TBL1X: variants seen among roughly 807,000 people sequenced by gnomAD.
TBL1X encodes transducin beta like 1 X-linked.
In TBL1X, 10 loss-of-function variants were observed where a neutral mutation model predicts 50.7. That is an observed-to-expected ratio of 0.20 (90% confidence interval 0.12 to 0.33). TBL1X has a LOEUF of 0.33. TBL1X is among the 10% of genes least tolerant of loss of function. TBL1X has a pLI of 1.00. For synonymous variants in TBL1X, 190 were observed against 214.7 expected (o/e 0.88, Z 1.01); for missense variants, 340 against 504.4 (o/e 0.67, Z 3.12).
chrX:9,605,870 GC>G (rs758600830), intron 2 of TBL1X, among the ~76,000 whole-genome samples: 1 of 112,210 alleles, frequency 8.9e-6, no homozygotes, highest in Non-Finnish European at 1.9e-5. Context: ...TAGTTTCTGT[GC>G]CACATTTCTC....
intron 6 of TBL1X, among the ~76,000 whole-genome samples, 195 bp from the exon 7 acceptor site, chrX:9,687,822 C>G (rs1449900442): frequency 9.0e-6 from 1 of 110,876 alleles, no homozygotes; most frequent in East Asian, 2.8e-4. Flanking sequence ...TTTGTCGTGT[C>G]CCCTTCCCTG....
chrX:9,484,333 C>T (rs1047239234), intron 1 of TBL1X, among the ~76,000 whole-genome samples: 3 of 111,502 alleles, frequency 2.7e-5, no homozygotes, highest in Non-Finnish European at 5.6e-5. Flanking sequence ...CACACACACA[C>T]ACCCATATTT....
At position 9,654,224 on chromosome X, in the gene TBL1X, C is replaced by T. The variant is rs2082852835; in HGVS notation, c.113C>T (p.Ser38Phe). ...FQRLRGREGG[S>F]HFINTSSPRG... ...TTCTCTTTTTGAACAGAGGGTGGTT[C>T]CCACTTCATCAACACCTCATCGCCG... Residue 38 changes from serine (S) to phenylalanine (F), a missense_variant, in exon 5 of 18, where the codon TCC (serine) becomes TTC (phenylalanine). Ser to Phe is a radical substitution (Grantham distance 155). Coordinates refer to ENST00000645353, the MANE Select transcript of TBL1X (RefSeq NM_005647.4). 1 of 1,207,484 alleles carries T rather than the reference C, an allele frequency of 8.3e-7. No individual in the cohort carries two copies. Among genetic ancestry groups the T allele is most frequent in the African/African-American group, 1.8e-5 (1 of 56,689 alleles).
At chrX:9,532,660 G>A (rs1017703542) in intron 2 of TBL1X, among the ~76,000 whole-genome samples, 1 of 111,188 alleles carries the variant, frequency 9.0e-6, no homozygotes, top group Non-Finnish European at 1.9e-5. Context: ...AGATCGAGGG[G>A]TCAGCAGGGT....
intron 2 of TBL1X, among the ~76,000 whole-genome samples, chrX:9,546,204 A>G (rs2082241322): frequency 8.9e-6 from 1 of 111,985 alleles, no homozygotes; most frequent in South Asian, 3.7e-4. Flanking sequence ...ATTACCATAA[A>G]TTAATTAGTC....
intron 2 of TBL1X, among the ~76,000 whole-genome samples, chrX:9,600,475 G>GGGGGGGA (rs1555899127): frequency 4.3e-4 from 32 of 73,699 alleles, no homozygotes; most frequent in African/African-American, 1.8e-3. Context: ...TGGGCGGGGG[G>GGGGGGGA]GGGGGTACAC....
chrX:9,596,662 G>C (rs1397076568), intron 2 of TBL1X, among the ~76,000 whole-genome samples: 1 of 111,335 alleles, frequency 9.0e-6, no homozygotes, highest in Admixed American at 9.5e-5. Context: ...ATGCCTCTTG[G>C]GGGGCATAAT....
chrX:9,648,173 C>T (rs190419524), intron 3 of TBL1X, among the ~76,000 whole-genome samples: 1 of 111,439 alleles, frequency 9.0e-6, no homozygotes, highest in East Asian at 2.8e-4. Context: ...ACGTGAGCTA[C>T]CTTATCTCTA....
At chrX:9,588,667 G>A (rs1300656833) in intron 2 of TBL1X, among the ~76,000 whole-genome samples, 3 of 107,402 alleles carry the variant, frequency 2.8e-5, no homozygotes, top group Admixed American at 1.0e-4. Context: ...GCAGTGATGC[G>A]ATCTCGGCTC....
At chrX:9,698,210 C>CACCT (rs2083144620) in intron 12 of TBL1X, among the ~76,000 whole-genome samples, 1 of 111,215 alleles carries the variant, frequency 9.0e-6, no homozygotes, top group Admixed American at 9.6e-5. Context: ...CCTCGGCACC[C>CACCT]ACCTGCTCAG....
rs768921634 is a variant in TBL1X at position 9,499,367 on chromosome X, GA to G, written c.-200-2410del. Among the ~76,000 whole-genome samples the G allele has an allele frequency of 4.0e-4, 45 of 111,895 alleles. No homozygotes were observed. The East Asian group carries it at 0.012, about 30-fold the overall frequency. On this transcript the variant is annotated intron_variant, in intron 1 of 17. Coordinates refer to ENST00000645353, the MANE Select transcript of TBL1X (RefSeq NM_005647.4). ...CGCCCGCTAGTCATTACAGGGAGGG[GA>G]AAGACAATAAAAAGATGAAAGAGAG...
At chrX:9,638,874 G>A (rs1231821073) in intron 2 of TBL1X, among the ~76,000 whole-genome samples, 1 of 111,308 alleles carries the variant, frequency 9.0e-6, no homozygotes, top group Non-Finnish European at 1.9e-5. Context: ...GGTCTCTCCA[G>A]CTCACTATAA....
At chrX:9,520,552 G>A (rs569463979) in intron 2 of TBL1X, among the ~76,000 whole-genome samples, 38 of 111,627 alleles carry the variant, frequency 3.4e-4, no homozygotes, top group Middle Eastern at 9.2e-3. Context: ...CAGGGCTGCA[G>A]AGGTGTCCTT....
chrX:9,611,453 G>A (rs1032297264), intron 2 of TBL1X, among the ~76,000 whole-genome samples: 1 of 111,958 alleles, frequency 8.9e-6, no homozygotes. Flanking sequence ...TCGAGTGTTC[G>A]ATTTGCCATC....
At position 9,716,834 on chromosome X, in the gene TBL1X, TG is replaced by T. The variant is rs1196406534; in HGVS notation, c.*593del. ...TTCAGTCGGCTGGAATTCTATCTTC[TG>T]GGGGCCTTCCGTCTGAGATGGAAGC... On this transcript the variant is annotated 3_prime_UTR_variant, in exon 18 of 18. Transcript: ENST00000645353. 9.0e-6 allele frequency: 1 copy of T among 111,433 alleles called. No homozygotes were observed. Among genetic ancestry groups the T allele is most frequent in the African/African-American group, 3.3e-5 (1 of 30,466 alleles). 9.2% of individuals were successfully genotyped at this position (111,433 alleles called of 1,213,427 possible).
intron 1 of TBL1X, among the ~76,000 whole-genome samples, chrX:9,466,885 G>A (rs903654000): frequency 2.7e-5 from 3 of 112,221 alleles, no homozygotes; most frequent in African/African-American, 9.7e-5. Flanking sequence ...AACAACAAAA[G>A]TTGTTCATCA....
chrX:9,481,391 T>A (rs1259656589), intron 1 of TBL1X, among the ~76,000 whole-genome samples: 1 of 112,632 alleles, frequency 8.9e-6, no homozygotes, highest in Non-Finnish European at 1.9e-5. Context: ...GGATAAAGTA[T>A]GCTCTTGTGA....
chrX:9,707,550 C>T (rs987673648), intron 13 of TBL1X, among the ~76,000 whole-genome samples: 1 of 112,148 alleles, frequency 8.9e-6, no homozygotes, highest in Non-Finnish European at 1.9e-5. Flanking sequence ...GCTCTGGAGG[C>T]GGCCCAGGAA....
At chrX:9,554,325 G>C (rs12014568) in intron 2 of TBL1X, among the ~76,000 whole-genome samples, 1 of 112,321 alleles carries the variant, frequency 8.9e-6, no homozygotes, top group African/African-American at 3.2e-5. Context: ...TATTAACTCC[G>C]AATAAGCAGA....
Sources: allele counts gnomAD v4.1 joint callset (sites outside exome capture counted in the v4.1 genomes callset), GRCh38; gene constraint gnomAD v4.1.1; transcripts MANE v1.5; gene names NCBI Gene and HGNC (gene_info 2026-07-23, HGNC 2026-07-21).